The following OSBPL8 variants were observed in gnomAD, a reference collection of about 807,000 sequenced individuals.
OSBPL8 encodes oxysterol-binding protein-related protein 8.
Under a neutral mutation model 125.5 loss-of-function variants are expected in OSBPL8, and 59 were observed. The observed-to-expected ratio is 0.47, with a 90% CI of 0.38 to 0.58. The LOEUF (loss-of-function observed/expected upper bound fraction) is 0.58, where lower values mean the gene tolerates loss of function less well. OSBPL8 is among the 20% of genes least tolerant of loss of function. OSBPL8 has a pLI of 0.00. For missense variants in OSBPL8, 758 were observed against 1,047.8 expected (o/e 0.72, Z 3.82); for synonymous variants, 330 against 338.9 (o/e 0.97, Z 0.29).
chr12:76,426,426 G>A (rs1870153656), intron 4 of OSBPL8, among the ~76,000 whole-genome samples: 1 of 152,014 alleles, frequency 6.6e-6, no homozygotes, highest in African/African-American at 2.4e-5. Flanking sequence ...ACTCTCAACA[G>A]TGTTTAAAGA....
intron 3 of OSBPL8, among the ~76,000 whole-genome samples, chr12:76,458,720 A>G (rs889119792): frequency 1.3e-5 from 2 of 152,048 alleles, no homozygotes; most frequent in African/African-American, 2.4e-5. Flanking sequence ...AGGATTTAGC[A>G]TATTACTTTA....
At chr12:76,397,962 G>A (rs778160297) in intron 7 of OSBPL8, 65 bp from the exon 8 acceptor site, 15 of 1,351,866 alleles carry the variant, frequency 1.1e-5, no homozygotes, top group Non-Finnish European at 1.6e-5. Flanking sequence ...CGAAAATACT[G>A]CAAATAAGAT....
intron 1 of OSBPL8, among the ~76,000 whole-genome samples, chr12:76,511,841 G>T (rs1881030386): frequency 6.6e-6 from 1 of 151,988 alleles, no homozygotes; most frequent in African/African-American, 2.4e-5. Context: ...CGTCTGCCAG[G>T]GTTTATAGTT....
chr12:76,385,919 G>A, intron 14 of OSBPL8: 1 of 372,896 alleles, frequency 2.7e-6, no homozygotes, highest in Non-Finnish European at 4.2e-6. Context: ...TAAAAAAAGG[G>A]CAGGGGGCAT....
intron 1 of OSBPL8, among the ~76,000 whole-genome samples, chr12:76,534,977 T>C (rs377182268): frequency 6.6e-6 from 1 of 152,024 alleles, no homozygotes; most frequent in African/African-American, 2.4e-5. Flanking sequence ...GCTTTTATAC[T>C]AAACAAAAAT....
intron 17 of OSBPL8, among the ~76,000 whole-genome samples, chr12:76,373,965 G>A (rs1232863993): frequency 1.3e-5 from 2 of 152,056 alleles, no homozygotes; most frequent in Admixed American, 6.6e-5. Flanking sequence ...AAATTTTGAT[G>A]CTCCAATGTC....
At chr12:76,415,390 G>A (rs1256514054) in intron 4 of OSBPL8, among the ~76,000 whole-genome samples, 2 of 151,920 alleles carry the variant, frequency 1.3e-5, no homozygotes, top group South Asian at 2.1e-4. Flanking sequence ...TGGGATTACA[G>A]GTGCATGCCA....
chr12:76,467,102 TA>T (rs1222178522), intron 2 of OSBPL8, among the ~76,000 whole-genome samples: 1 of 152,216 alleles, frequency 6.6e-6, no homozygotes, highest in Non-Finnish European at 1.5e-5. Flanking sequence ...AAGTCTTCTT[TA>T]AATGTATGTA....
chr12:76,360,079 C>T lies in OSBPL8; in HGVS notation c.2329-1268G>A, dbSNP rs147937446. Among the ~76,000 whole-genome samples the T allele has an allele frequency of 5.1e-3, 771 of 152,252 alleles. 6 individuals carry two copies. The highest frequency in any genetic ancestry group is 0.017 in the African/African-American group (714 of 41,550). On this transcript the variant is annotated intron_variant, in intron 21 of 23. Transcript: ENST00000261183. ...GTCTTAATTCATTTCAGCATTAACC[C>T]AAAAGTCCACAGTCCAAAATCTCAT...
chr12:76,386,112 A>G, intron 14 of OSBPL8, 56 bp downstream of exon 14: 1 of 1,555,276 alleles, frequency 6.4e-7, no homozygotes, highest in Admixed American at 2.1e-5. Context: ...ATTTTCTATA[A>G]AAATATTCCA....
rs568790053 is a variant in OSBPL8 at position 76,388,647 on chromosome 12, T to C, written c.1352+998A>G. Among the ~76,000 whole-genome samples the C allele has an allele frequency of 2.0e-5, 3 of 152,312 alleles. No individual in the cohort carries two copies. The East Asian group carries it at 5.8e-4, about 29-fold the overall frequency. ...AAATGTACATTTTCCTTATTTTGCA[T>C]GAGGTTTTTACATGTTTAAGGACTG... On this transcript the variant is annotated intron_variant, in intron 12 of 23. Coordinates refer to ENST00000261183, the MANE Select transcript of OSBPL8 (RefSeq NM_020841.5).
At chr12:76,457,294 A>T (rs1019948723) in intron 3 of OSBPL8, among the ~76,000 whole-genome samples, 5 of 152,130 alleles carry the variant, frequency 3.3e-5, no homozygotes, top group African/African-American at 1.2e-4. Flanking sequence ...GTTTGTTTAC[A>T]TTTTTCTCAA....
At chr12:76,443,620 T>C (rs1403731171) in intron 4 of OSBPL8, among the ~76,000 whole-genome samples, 4 of 152,186 alleles carry the variant, frequency 2.6e-5, no homozygotes, top group African/African-American at 9.7e-5. Context: ...GTGATTCTCC[T>C]GCCTCAGTCT....
At position 76,472,206 on chromosome 12, in the gene OSBPL8, A is replaced by C. The variant is rs1393375842; in HGVS notation, c.43-12311T>G. 2.6e-5 allele frequency among the ~76,000 whole-genome samples: 4 copies of C among 152,358 alleles called. No individual in the cohort carries two copies. The East Asian group carries it at 7.7e-4, about 29-fold the overall frequency. On this transcript the variant is annotated intron_variant, in intron 2 of 23. Transcript: ENST00000261183. The stretch of plus-strand genomic sequence containing the variant: ...TCCCAGTTTCTGCATCTGTAAGATG[A>C]GGATACCACCATCTTAACATCATTT...
At chr12:76,557,103 T>C (rs1202114012) in intron 1 of OSBPL8, among the ~76,000 whole-genome samples, 2 of 150,738 alleles carry the variant, frequency 1.3e-5, no homozygotes, top group African/African-American at 2.5e-5. Flanking sequence ...ACTTTCAATA[T>C]AATACAAACA....
At chr12:76,450,287 G>A (rs1343007727) in intron 4 of OSBPL8, among the ~76,000 whole-genome samples, 2 of 152,068 alleles carry the variant, frequency 1.3e-5, no homozygotes, top group African/African-American at 2.4e-5. Flanking sequence ...AACTTTCCAG[G>A]CCAAAACAGT....
intron 1 of OSBPL8, among the ~76,000 whole-genome samples, chr12:76,530,632 A>T (rs1950310247): frequency 6.6e-6 from 1 of 152,186 alleles, no homozygotes; most frequent in Admixed American, 6.5e-5. Flanking sequence ...ATCCCCAAAT[A>T]GAAGCGCTCC....
chr12:76,455,628 C>CA (rs1040062675), intron 3 of OSBPL8, among the ~76,000 whole-genome samples: 3 of 151,976 alleles, frequency 2.0e-5, no homozygotes, highest in Admixed American at 1.3e-4. Context: ...ACCTCTTTAC[C>CA]AAAAAAACCA....
At chr12:76,526,802 C>T (rs1950193478) in intron 1 of OSBPL8, among the ~76,000 whole-genome samples, 1 of 151,650 alleles carries the variant, frequency 6.6e-6, no homozygotes, top group East Asian at 1.9e-4. Flanking sequence ...AGGCGTGCAC[C>T]ACCATGCCCA....
Sources: gnomAD v4.1 joint callset for allele counts (sites outside exome capture counted in the v4.1 genomes callset) on GRCh38, gnomAD v4.1.1 for gene constraint, MANE v1.5 for transcripts, NCBI Gene and HGNC (gene_info 2026-07-23, HGNC 2026-07-21) for gene names.